The following SCN3A variants were observed in gnomAD, a reference collection of about 807,000 sequenced individuals.
SCN3A encodes the protein sodium channel protein type 3 subunit alpha.
SCN3A carries 60 observed loss-of-function variants against 187.6 expected under a neutral mutation model. The ratio of observed to expected loss-of-function variants is 0.32; its 90% CI spans 0.26 to 0.40. The LOEUF (loss-of-function observed/expected upper bound fraction) is 0.40. Ranked by LOEUF, SCN3A falls within the 10% of genes least tolerant of loss-of-function variation. SCN3A has a pLI of 1.00. For missense variants in SCN3A, 1,601 were observed against 2,428.2 expected (o/e 0.66, Z 7.16); for synonymous variants, 788 against 829.2 (o/e 0.95, Z 0.85).
At chr2:165,097,550 A>C in intron 22 of SCN3A, 26 bp from the exon 23 acceptor site, 5 of 1,612,230 alleles carry the variant, frequency 3.1e-6, no homozygotes, top group Non-Finnish European at 4.2e-6. Context: ...AGGGGAACAT[A>C]GCTTACAAAC....
intron 18 of SCN3A, among the ~76,000 whole-genome samples, chr2:165,119,042 G>T (rs985457199): frequency 2.0e-5 from 3 of 152,068 alleles, no homozygotes; most frequent in Non-Finnish European, 4.4e-5. Context: ...GATTACAGGC[G>T]TGAGCCACCG....
intron 8 of SCN3A, 49 bp from the exon 9 acceptor site, chr2:165,162,420 C>A: frequency 6.3e-7 from 1 of 1,593,560 alleles, no homozygotes; most frequent in Non-Finnish European, 8.6e-7. Flanking sequence ...ATCCTATTCA[C>A]ATTAGTATTA....
At chr2:165,200,755 G>C (rs1692266492) in intron 1 of SCN3A, among the ~76,000 whole-genome samples, 1 of 151,972 alleles carries the variant, frequency 6.6e-6, no homozygotes, top group Admixed American at 6.6e-5. Context: ...TAGGAGGCCT[G>C]GGGTGCTGAA....
rs1684924344 is a variant in SCN3A, at chr2:165,088,247, A to G, written c.*1903T>C. On this transcript the variant is annotated 3_prime_UTR_variant, in exon 28 of 28. Coordinates refer to ENST00000283254, the MANE Select transcript of SCN3A (RefSeq NM_006922.4). The stretch of plus-strand genomic sequence containing the variant: ...GCAGTTCTTCAATACACTACAGTAA[A>G]TAGTTTTGTAAAAAGAATTAACATT... 1 of 152,540 alleles carries G rather than the reference A, an allele frequency of 6.6e-6. No individual in the cohort carries two copies. The highest frequency in any genetic ancestry group is 6.5e-5 in the Admixed American group (1 of 15,268). 9.4% of individuals were successfully genotyped at this position (152,540 alleles called of 1,614,324 possible). A position where few individuals can be genotyped will look rare whatever the true frequency, so the allele number is the denominator to read the frequency against.
chr2:165,110,418 C>T (rs758591498), intron 21 of SCN3A, among the ~76,000 whole-genome samples: 1 of 152,174 alleles, frequency 6.6e-6, no homozygotes, highest in Non-Finnish European at 1.5e-5. Flanking sequence ...ACCTATTTCT[C>T]AAGTATGTGA....
chr2:165,161,214 A>C (rs1689375969), intron 9 of SCN3A, among the ~76,000 whole-genome samples: 1 of 142,968 alleles, frequency 7.0e-6, no homozygotes, highest in South Asian at 2.2e-4. Context: ...ACATACAATA[A>C]ATTCTTACAA....
intron 9 of SCN3A, 23 bp downstream of exon 9, chr2:165,162,284 TA>T: frequency 1.9e-6 from 3 of 1,601,500 alleles, no homozygotes; most frequent in South Asian, 1.1e-5. Context: ...TTCTATATCT[TA>T]AAAAATATAT....
At chr2:165,181,804 T>A (rs1690894297) in intron 2 of SCN3A, among the ~76,000 whole-genome samples, 1 of 152,232 alleles carries the variant, frequency 6.6e-6, no homozygotes, top group South Asian at 2.1e-4. Flanking sequence ...GTGCTTTTCC[T>A]AGAGACAACT....
chr2:165,173,346 A>G (rs1559261056), intron 3 of SCN3A, among the ~76,000 whole-genome samples: 4 of 152,176 alleles, frequency 2.6e-5, no homozygotes, highest in Admixed American at 1.3e-4. Context: ...TCCTGGATTC[A>G]CCACTTAAGG....
chr2:165,121,263 A>G (rs575224453), intron 18 of SCN3A, among the ~76,000 whole-genome samples: 4 of 152,176 alleles, frequency 2.6e-5, no homozygotes, highest in Non-Finnish European at 5.9e-5. Context: ...ATTGCTTTCC[A>G]AATTCCAAAA....
chr2:165,137,810 A>G (rs375533600), intron 15 of SCN3A, 69 bp downstream of exon 15: 9 of 1,209,646 alleles, frequency 7.4e-6, no homozygotes, highest in East Asian at 4.7e-5. Flanking sequence ...CAGCACAAAT[A>G]CATCTTTCCC....
chr2:165,171,669 A>G (rs1253434694), intron 3 of SCN3A, among the ~76,000 whole-genome samples: 6 of 152,014 alleles, frequency 3.9e-5, no homozygotes, highest in Admixed American at 3.9e-4. Flanking sequence ...AATAAATCAC[A>G]CTACCTCCTG....
At chr2:165,161,157 T>TG (rs1689364891) in intron 9 of SCN3A, among the ~76,000 whole-genome samples, 1 of 147,284 alleles carries the variant, frequency 6.8e-6, no homozygotes, top group African/African-American at 2.5e-5. Context: ...TTTTTTTTTT[T>TG]TTTTTGTTTT....
At chr2:165,196,190 G>T (rs891903156) in intron 1 of SCN3A, among the ~76,000 whole-genome samples, 23 of 147,866 alleles carry the variant, frequency 1.6e-4, no homozygotes, top group Non-Finnish European at 3.2e-4. Context: ...ATAAAGGTTG[G>T]ATTTTTTTTT....
At chr2:165,166,973 C>T (rs942085383) in intron 5 of SCN3A, among the ~76,000 whole-genome samples, 2 of 151,292 alleles carry the variant, frequency 1.3e-5, no homozygotes, top group African/African-American at 2.4e-5. Flanking sequence ...GATCTTGGCT[C>T]ACTGCAACCT....
At chr2:165,148,999 A>C (rs189759285) in intron 11 of SCN3A, among the ~76,000 whole-genome samples, 1 of 152,166 alleles carries the variant, frequency 6.6e-6, no homozygotes, top group African/African-American at 2.4e-5. Flanking sequence ...GTGAATATAT[A>C]TATACCCTTT....
At chr2:165,191,770 A>G (rs1691629596) in intron 1 of SCN3A, among the ~76,000 whole-genome samples, 1 of 152,184 alleles carries the variant, frequency 6.6e-6, no homozygotes, top group African/African-American at 2.4e-5. Flanking sequence ...CCTGGATAGC[A>G]CAGAAACAGC....
chr2:165,115,499 G>C lies in SCN3A; in HGVS notation c.3470C>G (p.Thr1157Ser). Reference protein sequence around the residue: ...VLPREGEQAETEPEEDLKPEA... With the variant: ...VLPREGEQAESEPEEDLKPEA... ...CGGTTTAAGGTCTTCTTCGGGTTCA[G>C]TTTCAGCTTGTTCACCTTCTCGGGG... The change falls in exon 19 of 28, where the codon ACT becomes AGT. Residue 1157 changes from threonine (T) to serine (S), a missense_variant. Physicochemically the swap from Thr to Ser is moderately conservative, Grantham distance 58. Around this residue, in one of 11 missense-constraint regions of SCN3A, gnomAD observed 267 missense variants for 313.2 expected, o/e 0.85. Coordinates refer to ENST00000283254, the MANE Select transcript of SCN3A (RefSeq NM_006922.4). 1 of 1,613,656 alleles carries C rather than the reference G, an allele frequency of 6.2e-7. No homozygotes were observed. Among genetic ancestry groups the C allele is most frequent in the Non-Finnish European group, 8.5e-7 (1 of 1,179,876 alleles).
At chr2:165,116,615 T>C (rs1686379288) in intron 18 of SCN3A, among the ~76,000 whole-genome samples, 1 of 152,196 alleles carries the variant, frequency 6.6e-6, no homozygotes, top group Non-Finnish European at 1.5e-5. Flanking sequence ...AAAGAGTTAC[T>C]GTGTTATTTT....
Sources: allele counts gnomAD v4.1 joint callset (sites outside exome capture counted in the v4.1 genomes callset), GRCh38; gene constraint gnomAD v4.1.1; regional missense constraint gnomAD v4.1.1; transcripts MANE v1.5; gene names NCBI Gene and HGNC (gene_info 2026-07-23, HGNC 2026-07-21).